The following LCORL variants were observed in gnomAD, a reference collection of about 807,000 sequenced individuals.
LCORL encodes the protein ligand dependent nuclear receptor corepressor like, also known as ligand-dependent nuclear receptor corepressor-like protein.
A neutral mutation model predicts 141.8 loss-of-function variants in LCORL; 41 were observed. The observed-to-expected ratio is 0.29, with a 90% CI of 0.23 to 0.38. LCORL has a LOEUF of 0.38. Ranked by LOEUF, LCORL falls within the 10% of genes least tolerant of loss-of-function variation. The pLI is 1.00. For synonymous variants in LCORL, 618 were observed against 694.1 expected, an observed-to-expected ratio of 0.89 and a Z score of 1.72; for missense variants, 1,759 against 2,035.0, an observed-to-expected ratio of 0.86 and a Z score of 2.61.
chr4:17,995,823 T>C (rs1392861302), intron 1 of LCORL, among the ~76,000 whole-genome samples: 3 of 152,124 alleles, frequency 2.0e-5, no homozygotes, highest in African/African-American at 7.2e-5. Flanking sequence ...TAGAATGTAA[T>C]GAATATGGAG....
intron 5 of LCORL, among the ~76,000 whole-genome samples, chr4:17,907,309 G>A (rs1731798066): frequency 6.6e-6 from 1 of 152,184 alleles, no homozygotes; most frequent in South Asian, 2.1e-4. Flanking sequence ...TCTTTCATGA[G>A]TTTGTTACTA....
intron 5 of LCORL, among the ~76,000 whole-genome samples, chr4:17,892,864 T>C (rs1416895987): frequency 2.0e-5 from 3 of 152,222 alleles, no homozygotes; most frequent in Non-Finnish European, 4.4e-5. Context: ...ACATGTTCTC[T>C]TTTATCCTCT....
intron 1 of LCORL, among the ~76,000 whole-genome samples, chr4:17,998,663 TAAC>T (rs1162901302): frequency 2.0e-5 from 3 of 151,948 alleles, no homozygotes; most frequent in Non-Finnish European, 4.4e-5. Context: ...TAAATTAAAA[TAAC>T]AATAAAAACT....
chr4:17,983,763 T>C (rs1417394412), intron 1 of LCORL, among the ~76,000 whole-genome samples: 2 of 152,204 alleles, frequency 1.3e-5, no homozygotes, highest in Non-Finnish European at 2.9e-5. Flanking sequence ...CTTTATTTCT[T>C]TCTCTTGTCT....
At chr4:17,856,983 C>T (rs79251862) in intron 7 of LCORL, among the ~76,000 whole-genome samples, 3,989 of 152,238 alleles carry the variant, frequency 0.026, 57 homozygotes, top group South Asian at 0.03. Flanking sequence ...TAGAGATCCT[C>T]GTTGTTCTTG....
intron 1 of LCORL, among the ~76,000 whole-genome samples, chr4:17,995,916 G>A (rs1341042892): frequency 6.6e-6 from 1 of 152,084 alleles, no homozygotes; most frequent in African/African-American, 2.4e-5. Flanking sequence ...GAATCACTGA[G>A]ATAGATACAT....
chr4:17,886,025 A>ATTT (rs751306184), intron 6 of LCORL, 43 bp downstream of exon 6: 1 of 1,064,036 alleles, frequency 9.4e-7, no homozygotes, highest in Non-Finnish European at 1.4e-6. Context: ...TGCAGAGATA[A>ATTT]TTTTATATTA....
At chr4:17,980,476 T>G (rs1173335880) in intron 1 of LCORL, among the ~76,000 whole-genome samples, 2 of 152,198 alleles carry the variant, frequency 1.3e-5, no homozygotes, top group East Asian at 3.8e-4. Context: ...GCCCTAGAAT[T>G]GTGATCCTCT....
At chr4:17,860,100 C>G (rs946829056) in intron 7 of LCORL, among the ~76,000 whole-genome samples, 1 of 152,156 alleles carries the variant, frequency 6.6e-6, no homozygotes, top group Non-Finnish European at 1.5e-5. Context: ...CTATTCCTAT[C>G]AGACTGCCAA....
intron 4 of LCORL, among the ~76,000 whole-genome samples, chr4:17,952,743 A>G (rs1455269584): frequency 6.6e-6 from 1 of 152,162 alleles, no homozygotes; most frequent in Admixed American, 6.5e-5. Context: ...CTTTTATTTT[A>G]CGTTCAGGGG....
chr4:17,960,191 A>C (rs1025498823), intron 4 of LCORL: 4 of 154,346 alleles, frequency 2.6e-5, no homozygotes, highest in African/African-American at 9.6e-5. Flanking sequence ...TTAATTTAAA[A>C]ACTCTGCAAT....
At chr4:17,952,119 T>C (rs960705928) in intron 4 of LCORL, among the ~76,000 whole-genome samples, 4 of 152,174 alleles carry the variant, frequency 2.6e-5, no homozygotes, top group Non-Finnish European at 5.9e-5. Flanking sequence ...AAATATAAAG[T>C]ATTTTGAACA....
At chr4:17,936,294 C>T (rs1033336788) in intron 4 of LCORL, among the ~76,000 whole-genome samples, 3 of 148,484 alleles carry the variant, frequency 2.0e-5, no homozygotes, top group South Asian at 2.1e-4. Flanking sequence ...CTTTTATCCA[C>T]TTTTCAGGAC....
chr4:17,906,687 C>G (rs973010479), intron 5 of LCORL, among the ~76,000 whole-genome samples: 1 of 137,752 alleles, frequency 7.3e-6, no homozygotes, highest in Non-Finnish European at 1.5e-5. Context: ...TTTTAAAATG[C>G]CTTTTTTTTT....
intron 4 of LCORL, chr4:17,911,642 G>C (rs1243691426): frequency 4.3e-6 from 2 of 461,702 alleles, no homozygotes; most frequent in Non-Finnish European, 8.6e-6. Context: ...CAAAGTCTGA[G>C]TCCTGTCCTC....
chr4:17,925,058 G>A (rs1389583805), intron 4 of LCORL, among the ~76,000 whole-genome samples: 2 of 152,148 alleles, frequency 1.3e-5, no homozygotes, highest in African/African-American at 2.4e-5. Flanking sequence ...ATGTTCTGCT[G>A]GCCTAGAGAT....
At chr4:17,952,572 C>T (rs986509378) in intron 4 of LCORL, among the ~76,000 whole-genome samples, 2 of 152,000 alleles carry the variant, frequency 1.3e-5, no homozygotes, top group African/African-American at 4.8e-5. Context: ...GCCGCCACCA[C>T]GCCCGGCTAA....
chr4:17,997,620 A>T (rs952784178), intron 1 of LCORL, among the ~76,000 whole-genome samples: 1 of 152,166 alleles, frequency 6.6e-6, no homozygotes, highest in Non-Finnish European at 1.5e-5. Context: ...AATTTTTTTT[A>T]AAGTTTTATT....
At chr4:18,019,229 T>C (rs951652235) in intron 1 of LCORL, among the ~76,000 whole-genome samples, 1 of 152,132 alleles carries the variant, frequency 6.6e-6, no homozygotes, top group African/African-American at 2.4e-5. Context: ...ATCCCAACTA[T>C]TCGGGAGGCT....
Sources: allele counts gnomAD v4.1 joint callset (sites outside exome capture counted in the v4.1 genomes callset), GRCh38; gene constraint gnomAD v4.1.1; transcripts MANE v1.5; gene names NCBI Gene and HGNC (gene_info 2026-07-23, HGNC 2026-07-21).